FAT3: variants seen among roughly 807,000 people sequenced by gnomAD.
FAT3 encodes the protein protocadherin Fat 3.
A neutral mutation model predicts 310.2 loss-of-function variants in FAT3; 95 were observed. The ratio of observed to expected loss-of-function variants is 0.31; its 90% CI spans 0.26 to 0.36. FAT3 has a LOEUF of 0.36. Among genes scored for constraint, FAT3 ranks in the 10% least tolerant of loss-of-function variants. The pLI, the probability that FAT3 is intolerant of heterozygous loss-of-function variation, is 1.00. For synonymous variants in FAT3, 2,314 were observed against 2,192.9 expected, an observed-to-expected ratio of 1.06 and a Z score of -1.54; for missense variants, 5,408 against 5,715.6, an observed-to-expected ratio of 0.95 and a Z score of 1.74.
intron 2 of FAT3, among the ~76,000 whole-genome samples, chr11:92,465,702 A>G (rs1373851475): frequency 1.3e-5 from 2 of 152,100 alleles, no homozygotes; most frequent in Non-Finnish European, 2.9e-5. Context: ...ATCACACATC[A>G]GGGCCTGTCA....
At chr11:92,542,986 A>T (rs1307493823) in intron 3 of FAT3, among the ~76,000 whole-genome samples, 1 of 152,150 alleles carries the variant, frequency 6.6e-6, no homozygotes, top group East Asian at 1.9e-4. Context: ...AAGGAATACC[A>T]TTCAGCTGTA....
intron 2 of FAT3, among the ~76,000 whole-genome samples, chr11:92,418,746 G>C (rs1271459932): frequency 1.3e-5 from 2 of 152,080 alleles, no homozygotes; most frequent in Non-Finnish European, 2.9e-5. Context: ...AGTTTGCTTA[G>C]GGAATTTGCT....
intron 3 of FAT3, among the ~76,000 whole-genome samples, chr11:92,663,998 T>A (rs559319793): frequency 6.6e-6 from 1 of 152,288 alleles, no homozygotes; most frequent in Admixed American, 6.5e-5. Flanking sequence ...TTTTCTGTCT[T>A]CAATCTTGAC....
At chr11:92,462,677 A>T (rs921624916) in intron 2 of FAT3, among the ~76,000 whole-genome samples, 1 of 152,166 alleles carries the variant, frequency 6.6e-6, no homozygotes, top group Non-Finnish European at 1.5e-5. Context: ...TGTTTTACCA[A>T]GATTTATTTC....
At chr11:92,884,881 G>A (rs933593408) in intron 24 of FAT3, among the ~76,000 whole-genome samples, 6 of 152,186 alleles carry the variant, frequency 3.9e-5, no homozygotes, top group Admixed American at 2.0e-4. Context: ...GAACAGAGAG[G>A]ATGGTCAAAC....
At chr11:92,592,466 C>T (rs542321062) in intron 3 of FAT3, among the ~76,000 whole-genome samples, 18 of 151,806 alleles carry the variant, frequency 1.2e-4, no homozygotes, top group South Asian at 4.2e-4. Flanking sequence ...GGATTACAAG[C>T]GCGTGCCACC....
chr11:92,790,236 A>C lies in FAT3; in HGVS notation c.4611+18A>C. ...ACATAATGGTAGGACCAAAATCCTA[A>C]TTAGCACTCCTACAGAACCACTGAC... is the stretch of plus-strand genomic sequence containing the variant. On this transcript the variant is annotated intron_variant, in intron 8 of 27. Coordinates refer to ENST00000525166, the MANE Select transcript of FAT3 (RefSeq NM_001367949.2). 2 of 1,611,732 alleles carry C rather than the reference A, an allele frequency of 1.2e-6. No homozygotes were observed. Among genetic ancestry groups the C allele is most frequent in the Non-Finnish European group, 1.7e-6 (2 of 1,178,388 alleles).
chr11:92,622,624 C>T (rs1179488420), intron 3 of FAT3, among the ~76,000 whole-genome samples: 1 of 152,126 alleles, frequency 6.6e-6, no homozygotes, highest in African/African-American at 2.4e-5. Flanking sequence ...AACTGTCTAG[C>T]TGAAGCGTCA....
At chr11:92,810,179 C>A in intron 13 of FAT3, 103 bp downstream of exon 13, 1 of 1,005,088 alleles carries the variant, frequency 9.9e-7, no homozygotes. Flanking sequence ...CCCCTTGGTT[C>A]TTTACCACGA....
chr11:92,338,499 C>G (rs1948150623), intron 1 of FAT3, among the ~76,000 whole-genome samples: 2 of 152,012 alleles, frequency 1.3e-5, no homozygotes, highest in South Asian at 4.2e-4. Flanking sequence ...CAGCCGCTGC[C>G]TCGTAAACCA....
At chr11:92,466,565 TA>T (rs892309819) in intron 2 of FAT3, among the ~76,000 whole-genome samples, 20 of 151,564 alleles carry the variant, frequency 1.3e-4, no homozygotes, top group African/African-American at 4.8e-4. Context: ...CTTTTTTTTT[TA>T]AATTTTTTAA....
In FAT3 at chr11:92,758,668, A is replaced by G. The variant is rs973220098; in HGVS notation, c.3670-3188A>G. Among the ~76,000 whole-genome samples, 29 of 152,272 alleles carry G rather than the reference A, an allele frequency of 1.9e-4. No homozygotes were observed. The South Asian group carries it at 6.0e-3, about 32-fold the overall frequency. On this transcript the variant is annotated intron_variant, in intron 4 of 27. Transcript: ENST00000525166. Reference sequence around the variant, plus strand: ...ATCAGATTTTTGAAGAAGAAATATCACTCTACAACAAAGGCAAAGGCTGAA... The same window carrying G: ...ATCAGATTTTTGAAGAAGAAATATCGCTCTACAACAAAGGCAAAGGCTGAA...
chr11:92,503,182 AT>A (rs1952997191), intron 2 of FAT3, among the ~76,000 whole-genome samples: 1 of 152,006 alleles, frequency 6.6e-6, no homozygotes, highest in African/African-American at 2.4e-5. Flanking sequence ...CAACAAGAAA[AT>A]TTCCATCGAC....
rs201524385 is a variant in FAT3, at chr11:92,736,222, CT to C, written c.3670-25633del. On this transcript the variant is annotated intron_variant, in intron 4 of 27. Transcript: ENST00000525166. ...TGACCCAGACATTTTATATCTGGAG[CT>C]GCCATTTGAGAGTCGCCAGCAGAGG... Among the ~76,000 whole-genome samples the C allele has an allele frequency of 8.3e-3, 1,270 of 152,240 alleles. 28 individuals carry two copies. Among genetic ancestry groups the C allele is most frequent in the African/African-American group, 0.029 (1,209 of 41,538 alleles).
chr11:92,321,673 G>A (rs896100159), intron 1 of FAT3, among the ~76,000 whole-genome samples: 4 of 152,158 alleles, frequency 2.6e-5, no homozygotes, highest in Admixed American at 2.6e-4. Flanking sequence ...AGCAAGCTAC[G>A]GAGCTGGGCT....
At chr11:92,770,996 A>C (rs1277480635) in intron 6 of FAT3, among the ~76,000 whole-genome samples, 1 of 152,180 alleles carries the variant, frequency 6.6e-6, no homozygotes, top group Non-Finnish European at 1.5e-5. Context: ...AAAATGGTCA[A>C]AGAGACACAT....
intron 2 of FAT3, among the ~76,000 whole-genome samples, chr11:92,430,812 C>T (rs929256625): frequency 6.6e-6 from 1 of 152,084 alleles, no homozygotes; most frequent in Admixed American, 6.6e-5. Flanking sequence ...TTTCCAGCCT[C>T]ATCCATGTCC....
intron 3 of FAT3, among the ~76,000 whole-genome samples, chr11:92,571,032 T>C (rs1955648822): frequency 6.6e-6 from 1 of 152,160 alleles, no homozygotes; most frequent in African/African-American, 2.4e-5. Flanking sequence ...CCAAAGACCG[T>C]GCTGGGTCCT....
chr11:92,616,513 A>G (rs1940814460), intron 3 of FAT3, among the ~76,000 whole-genome samples: 1 of 152,110 alleles, frequency 6.6e-6, no homozygotes, highest in Admixed American at 6.5e-5. Context: ...AATTTGATCC[A>G]TCATTATGAT....
Sources: gnomAD v4.1 joint callset for allele counts (sites outside exome capture counted in the v4.1 genomes callset) on GRCh38, gnomAD v4.1.1 for gene constraint, MANE v1.5 for transcripts, NCBI Gene and HGNC (gene_info 2026-07-23, HGNC 2026-07-21) for gene names.